The following PPP2R5E variants were observed in gnomAD, a reference collection of about 807,000 sequenced individuals.
PPP2R5E encodes serine/threonine-protein phosphatase 2A 56 kDa regulatory subunit epsilon isoform.
In PPP2R5E, 4 loss-of-function variants were observed where a neutral mutation model predicts 65.3. The ratio of observed to expected loss-of-function variants is 0.06; its 90% CI spans 0.03 to 0.14. The LOEUF (loss-of-function observed/expected upper bound fraction) is 0.14, where lower values mean the gene tolerates loss of function less well. Among genes scored for constraint, PPP2R5E ranks in the 10% least tolerant of loss-of-function variants. The pLI is 1.00. For missense variants in PPP2R5E, 274 were observed against 556.1 expected, an observed-to-expected ratio of 0.49 and a Z score of 5.10; for synonymous variants, 183 against 187.4, an observed-to-expected ratio of 0.98 and a Z score of 0.19.
intron 2 of PPP2R5E, among the ~76,000 whole-genome samples, chr14:63,528,234 T>C (rs1893261576): frequency 6.6e-6 from 1 of 152,212 alleles, no homozygotes; most frequent in Non-Finnish European, 1.5e-5. Flanking sequence ...TATGAGCCAA[T>C]ATTATAAAAT....
intron 2 of PPP2R5E, among the ~76,000 whole-genome samples, chr14:63,529,089 T>C (rs562954280): frequency 2.0e-5 from 3 of 152,254 alleles, no homozygotes; most frequent in African/African-American, 7.2e-5. Flanking sequence ...GCCTCCCAAG[T>C]AGCCAAGACA....
At chr14:63,526,731 A>G (rs1245599350) in intron 2 of PPP2R5E, among the ~76,000 whole-genome samples, 4 of 152,034 alleles carry the variant, frequency 2.6e-5, no homozygotes, top group African/African-American at 7.2e-5. Context: ...TAATTTTTCT[A>G]TTTTTTGTAG....
At chr14:63,516,973 T>G (rs1892693606) in intron 2 of PPP2R5E, among the ~76,000 whole-genome samples, 1 of 152,202 alleles carries the variant, frequency 6.6e-6, no homozygotes, top group Admixed American at 6.5e-5. Context: ...ACTAAATAGA[T>G]TTTTAAAAAC....
intron 2 of PPP2R5E, among the ~76,000 whole-genome samples, chr14:63,477,964 A>AC (rs1254320788): frequency 2.2e-4 from 33 of 152,194 alleles, no homozygotes; most frequent in Non-Finnish European, 8.8e-5. Context: ...CAAAACATGG[A>AC]CAAACAATTC....
intron 11 of PPP2R5E, among the ~76,000 whole-genome samples, chr14:63,388,125 TC>T (rs59453998): frequency 0.15 from 21,841 of 148,968 alleles, 2,250 homozygotes; most frequent in East Asian, 0.48. Flanking sequence ...TTTTTTTTTT[TC>T]TCCTTTCTTT....
At chr14:63,394,070 CTTTTTTTTTTTTTTTTTT>C (rs557273298) in intron 7 of PPP2R5E, 142 bp from the exon 8 acceptor site, 3 of 181,336 alleles carry the variant, frequency 1.7e-5, no homozygotes, top group Non-Finnish European at 3.2e-5. Flanking sequence ...TCAGAATTTC[CTTTTTTTTTTTTTTTTTT>C]TTTTTTTTGA....
intron 2 of PPP2R5E, among the ~76,000 whole-genome samples, chr14:63,474,173 T>C (rs1890277954): frequency 6.6e-6 from 1 of 152,184 alleles, no homozygotes; most frequent in Non-Finnish European, 1.5e-5. Flanking sequence ...GATAATTTAC[T>C]GGAAGAAGAA....
At chr14:63,502,162 T>C (rs1384149967) in intron 2 of PPP2R5E, among the ~76,000 whole-genome samples, 1 of 152,154 alleles carries the variant, frequency 6.6e-6, no homozygotes, top group Non-Finnish European at 1.5e-5. Context: ...CCCAAAGTGG[T>C]GGGATTACAG....
At chr14:63,533,787 A>G (rs1323385023) in intron 2 of PPP2R5E, among the ~76,000 whole-genome samples, 1 of 152,106 alleles carries the variant, frequency 6.6e-6, no homozygotes, top group African/African-American at 2.4e-5. Context: ...TCTACTAAAA[A>G]TATAAAAATC....
At chr14:63,417,230 T>C (rs529152206) in intron 4 of PPP2R5E, among the ~76,000 whole-genome samples, 5 of 152,202 alleles carry the variant, frequency 3.3e-5, no homozygotes, top group Non-Finnish European at 5.9e-5. Context: ...TCACATTCTT[T>C]ATTATCTCAA....
At chr14:63,449,872 A>ATTTTT (rs35931655) in intron 3 of PPP2R5E, among the ~76,000 whole-genome samples, 5 of 105,396 alleles carry the variant, frequency 4.7e-5, no homozygotes, top group African/African-American at 1.2e-4. Context: ...TTCTTTTCCT[A>ATTTTT]TTTTTTTTTT....
At chr14:63,514,082 A>C (rs144449465) in intron 2 of PPP2R5E, among the ~76,000 whole-genome samples, 30 of 152,362 alleles carry the variant, frequency 2.0e-4, no homozygotes, top group African/African-American at 4.3e-4. Flanking sequence ...CAGATATGAC[A>C]GGAAACTGAG....
At chr14:63,393,999 TATTA>T (rs1885182094) in intron 7 of PPP2R5E, 71 bp from the exon 8 acceptor site, 1 of 891,270 alleles carries the variant, frequency 1.1e-6, no homozygotes, top group Non-Finnish European at 1.8e-6. Context: ...GTTCTTGTGA[TATTA>T]ATTAAACTTA....
intron 5 of PPP2R5E, among the ~76,000 whole-genome samples, chr14:63,407,757 T>C (rs1375882592): frequency 6.6e-6 from 1 of 152,118 alleles, no homozygotes; most frequent in African/African-American, 2.4e-5. Flanking sequence ...AGTAAGGCCT[T>C]TTGGTGTTGA....
intron 5 of PPP2R5E, among the ~76,000 whole-genome samples, chr14:63,408,604 T>C (rs959447031): frequency 6.6e-6 from 1 of 152,182 alleles, no homozygotes; most frequent in Admixed American, 6.5e-5. Context: ...ATTTCATAAC[T>C]CTAAACGTTT....
At chr14:63,447,807 T>C (rs999838390) in intron 3 of PPP2R5E, among the ~76,000 whole-genome samples, 4 of 152,136 alleles carry the variant, frequency 2.6e-5, no homozygotes, top group Non-Finnish European at 4.4e-5. Context: ...CTTCCTTTCA[T>C]TGGAACACTT....
intron 2 of PPP2R5E, among the ~76,000 whole-genome samples, chr14:63,457,276 T>C (rs1594894991): frequency 6.6e-6 from 1 of 152,318 alleles, no homozygotes; most frequent in East Asian, 1.9e-4. Context: ...AAGAAAAGTT[T>C]AGTGTCTATG....
chr14:63,533,870 C>G (rs944365837), intron 2 of PPP2R5E, among the ~76,000 whole-genome samples: 1 of 152,128 alleles, frequency 6.6e-6, no homozygotes, highest in Non-Finnish European at 1.5e-5. Context: ...TCACTTGAAC[C>G]TGGGAGGCAG....
chr14:63,496,606 A>G (rs186417311), intron 2 of PPP2R5E, among the ~76,000 whole-genome samples: 4 of 152,238 alleles, frequency 2.6e-5, no homozygotes, highest in Admixed American at 2.0e-4. Context: ...CATTGTTTTA[A>G]TAAGTGTTTA....
Sources: allele counts gnomAD v4.1 joint callset (sites outside exome capture counted in the v4.1 genomes callset), GRCh38; gene constraint gnomAD v4.1.1; transcripts MANE v1.5; gene names NCBI Gene and HGNC (gene_info 2026-07-23, HGNC 2026-07-21).